The following USP7 variants were observed in gnomAD, a reference collection of about 807,000 sequenced individuals.
USP7 encodes ubiquitin C-terminal hydrolase 7.
USP7 carries 9 observed loss-of-function variants against 162.9 expected under a neutral mutation model. That is an observed-to-expected ratio of 0.06 (90% confidence interval 0.03 to 0.10). The LOEUF (loss-of-function observed/expected upper bound fraction) is 0.10, where lower values mean the gene tolerates loss of function less well. USP7 is among the 10% of genes least tolerant of loss of function. The probability of loss-of-function intolerance (pLI) is 1.00; values close to 1 mark genes in which losing one functional copy is unlikely to be tolerated. For synonymous variants in USP7, 562 were observed against 475.9 expected, an observed-to-expected ratio of 1.18 and a Z score of -2.35; for missense variants, 715 against 1,373.7, an observed-to-expected ratio of 0.52 and a Z score of 7.58.
intron 1 of USP7, among the ~76,000 whole-genome samples, chr16:8,931,540 A>C (rs1898340838): frequency 6.6e-6 from 1 of 152,254 alleles, no homozygotes. Flanking sequence ...AATTATGTAA[A>C]GATCCGGGAA....
At chr16:8,900,892 G>T in intron 20 of USP7, 98 bp downstream of exon 20, 1 of 1,223,378 alleles carries the variant, frequency 8.2e-7, no homozygotes, top group South Asian at 1.4e-5. Context: ...TTAGCTGGTA[G>T]ACCTAACACT....
rs2061631516 is a variant in USP7, at chr16:8,893,401, A to C, written c.*597T>G. 1 of 154,234 alleles carries C rather than the reference A, an allele frequency of 6.5e-6. No individual in the cohort carries two copies. Among genetic ancestry groups the C allele is most frequent in the Non-Finnish European group, 1.4e-5 (1 of 69,320 alleles). 9.6% of individuals were successfully genotyped at this position (154,234 alleles called of 1,614,324 possible). The stretch of plus-strand genomic sequence containing the variant: ...TCCACTTTGCAAAGGGGCTGCAGAC[A>C]GTAGTGGCTGACGAGGTGAGACAAG... On this transcript the variant is annotated 3_prime_UTR_variant, in exon 31 of 31. Coordinates refer to ENST00000344836, the MANE Select transcript of USP7 (RefSeq NM_003470.3).
intron 5 of USP7, among the ~76,000 whole-genome samples, chr16:8,919,671 G>A (rs1483370126): frequency 7.9e-5 from 12 of 151,796 alleles, no homozygotes; most frequent in Admixed American, 3.9e-4. Context: ...ACTGTGTCTC[G>A]TACCTTCCCA....
chr16:8,927,812 GGCGACACAAC>G (rs1898095667), intron 2 of USP7, among the ~76,000 whole-genome samples: 1 of 152,104 alleles, frequency 6.6e-6, no homozygotes. Context: ...CTCTAGCCTG[GGCGACACAAC>G]AAGAACCTAT....
chr16:8,949,079 G>T (rs1003108427), intron 1 of USP7, among the ~76,000 whole-genome samples: 2 of 152,196 alleles, frequency 1.3e-5, no homozygotes, highest in Non-Finnish European at 2.9e-5. Flanking sequence ...AAATGTGCTC[G>T]AATTGAATGC....
At chr16:8,959,209 G>C (rs1315396307) in intron 1 of USP7, among the ~76,000 whole-genome samples, 15 of 152,126 alleles carry the variant, frequency 9.9e-5, no homozygotes, top group Non-Finnish European at 2.2e-4. Flanking sequence ...CTTAAGCAAT[G>C]TGCATTAGGT....
intron 1 of USP7, among the ~76,000 whole-genome samples, chr16:8,952,013 G>A (rs1032867044): frequency 2.0e-5 from 3 of 152,178 alleles, no homozygotes; most frequent in Non-Finnish European, 2.9e-5. Flanking sequence ...TGCAGTTCAC[G>A]ACTTTTGGGT....
intron 1 of USP7, among the ~76,000 whole-genome samples, chr16:8,951,636 C>G (rs1899556766): frequency 6.6e-6 from 1 of 152,222 alleles, no homozygotes; most frequent in Non-Finnish European, 1.5e-5. Flanking sequence ...GCTGTAATAT[C>G]TAACTCTGTA....
intron 3 of USP7, among the ~76,000 whole-genome samples, chr16:8,922,040 CT>C (rs1897723484): frequency 6.6e-6 from 1 of 152,204 alleles, no homozygotes; most frequent in Admixed American, 6.5e-5. Context: ...CCATTCACTA[CT>C]TTTCCAAAGT....
Position 8,899,588 on chromosome 16 carries a change from A to G in USP7, c.2463+16T>C, listed in dbSNP as rs535158717. ...TGGAGTGGGATCTGAAGAGGAAAGGAGCATTTATTAAATACCTGAAAATAA... is the reference window on the plus strand; with the variant it reads ...TGGAGTGGGATCTGAAGAGGAAAGGGGCATTTATTAAATACCTGAAAATAA... On this transcript the variant is annotated intron_variant, in intron 22 of 30. Transcript: ENST00000344836. The G allele has an allele frequency of 1.2e-6, 2 of 1,612,684 alleles. No homozygotes were observed. Among genetic ancestry groups the G allele is most frequent in the South Asian group, 2.2e-5 (2 of 91,034 alleles).
chr16:8,960,526 C>A (rs1899968538), intron 1 of USP7, among the ~76,000 whole-genome samples: 1 of 152,180 alleles, frequency 6.6e-6, no homozygotes, highest in South Asian at 2.1e-4. Context: ...CCTTCGAAAC[C>A]ACTCTGCCCA....
Position 8,923,262 on chromosome 16 carries a change from T to C in USP7, c.336A>G (p.Gln112=), listed in dbSNP as rs144116379. 60 of 1,614,270 alleles carry C rather than the reference T, an allele frequency of 3.7e-5. No homozygotes were observed. In the South Asian group the frequency reaches 4.0e-4, roughly 11 times the overall value. ...ACTGGAGAAAGAATCCTACGCTTTTTTGGTGTGGTCTGTCTGGATAAAAGC... is the reference window on the plus strand; with the variant it reads ...ACTGGAGAAAGAATCCTACGCTTTTCTGGTGTGGTCTGTCTGGATAAAAGC... The part of the protein sequence containing the change: ...MPRFYPDRPH[Q]KSVGFFLQCN... Residue 112 remains glutamine (Q), a synonymous_variant, in exon 3 of 31, where the codon CAA becomes CAG. Transcript: ENST00000344836.
chr16:8,899,193 G>A lies in USP7; in HGVS notation c.2464-5C>T. On this transcript the variant is annotated splice_polypyrimidine_tract_variant and splice_region_variant and intron_variant, in intron 22 of 30. Transcript: ENST00000344836. ...CTGTGCAACTGTCTTTGCAACCTAA[G>A]ACACAGAAAGGAAGGTTCACATTTT... is the stretch of plus-strand genomic sequence containing the variant. 1 of 1,613,710 alleles carries A rather than the reference G, an allele frequency of 6.2e-7. No homozygotes were observed. The highest frequency in any genetic ancestry group is 8.5e-7 in the Non-Finnish European group (1 of 1,179,948).
In USP7 at chr16:8,943,537, T is replaced by C. The variant is rs139628004; in HGVS notation, c.80-13140A>G. On this transcript the variant is annotated intron_variant, in intron 1 of 30. Transcript: ENST00000344836. ...CCGAGAATGCAGGGCCCCAATGCCA[T>C]GAGAAACACAAACGACTAACCAACA... Among the ~76,000 whole-genome samples, 917 of 149,120 alleles carry C rather than the reference T, an allele frequency of 6.1e-3. 8 individuals carry two copies. Among genetic ancestry groups the C allele is most frequent in the South Asian group, 0.033 (154 of 4,702 alleles).
intron 2 of USP7, chr16:8,929,219 C>T: frequency 3.0e-6 from 1 of 333,376 alleles, no homozygotes; most frequent in South Asian, 2.3e-5. Flanking sequence ...AATGCACTCA[C>T]TCAACCGCTT....
rs528212211 is a variant in USP7 at position 8,932,234 on chromosome 16, T to C, written c.80-1837A>G. Among the ~76,000 whole-genome samples, 6 of 152,342 alleles carry C rather than the reference T, an allele frequency of 3.9e-5. No individual in the cohort carries two copies. In the South Asian group the frequency reaches 8.3e-4, roughly 21 times the overall value. On this transcript the variant is annotated intron_variant, in intron 1 of 30. Coordinates refer to ENST00000344836, the MANE Select transcript of USP7 (RefSeq NM_003470.3). ...AAGACATTAAAGATCAATTTCAGTC[T>C]TGATAGTCTCTTAATACACTTAATT...
intron 17 of USP7, 92 bp downstream of exon 17, chr16:8,902,289 A>G (rs763628128): frequency 7.0e-6 from 11 of 1,580,706 alleles, no homozygotes; most frequent in Non-Finnish European, 8.6e-7. Context: ...ATTCTAGTTA[A>G]GTGGACCAAA....
At chr16:8,912,409 G>A (rs1038150828) in intron 10 of USP7, among the ~76,000 whole-genome samples, 4 of 149,014 alleles carry the variant, frequency 2.7e-5, no homozygotes, top group African/African-American at 4.9e-5. Flanking sequence ...GAGACTGCAT[G>A]ACTGCACTCC....
intron 1 of USP7, among the ~76,000 whole-genome samples, chr16:8,944,970 G>C (rs1899212678): frequency 6.6e-6 from 1 of 152,160 alleles, no homozygotes; most frequent in Non-Finnish European, 1.5e-5. Flanking sequence ...TAGCTGGGTG[G>C]ACCGGGCGCA....
Sources: allele counts gnomAD v4.1 joint callset (sites outside exome capture counted in the v4.1 genomes callset), GRCh38; gene constraint gnomAD v4.1.1; transcripts MANE v1.5; gene names NCBI Gene and HGNC (gene_info 2026-07-23, HGNC 2026-07-21).